Variants in SGCZ observed in about 807,000 individuals in gnomAD.
SGCZ encodes the protein sarcoglycan zeta, also known as zeta-sarcoglycan.
In SGCZ, 40 loss-of-function variants were observed where a neutral mutation model predicts 41.3. The observed-to-expected ratio is 0.97, with a 90% CI of 0.75 to 1.26. The LOEUF (loss-of-function observed/expected upper bound fraction) is 1.26. Among genes scored for constraint, SGCZ ranks in the 50% most tolerant of loss-of-function variants. SGCZ has a pLI of 0.00. For synonymous variants in SGCZ, 206 were observed against 137.5 expected (o/e 1.50, Z -3.49); for missense variants, 552 against 369.8 (o/e 1.49, Z -4.04).
At chr8:14,539,124 A>ACTG (rs1334390010) in intron 2 of SGCZ, among the ~76,000 whole-genome samples, 1 of 151,980 alleles carries the variant, frequency 6.6e-6, no homozygotes, top group Non-Finnish European at 1.5e-5. Context: ...AAGAAAGAAG[A>ACTG]CTGACTTCCC....
At chr8:15,031,258 A>G (rs745353147) in intron 1 of SGCZ, among the ~76,000 whole-genome samples, 2 of 152,078 alleles carry the variant, frequency 1.3e-5, no homozygotes, top group East Asian at 3.9e-4. Context: ...GCCAAACACA[A>G]TTTCTTCTTA....
chr8:14,303,829 G>T (rs527555196), intron 3 of SGCZ, among the ~76,000 whole-genome samples: 1 of 151,994 alleles, frequency 6.6e-6, no homozygotes, highest in Non-Finnish European at 1.5e-5. Flanking sequence ...TCGGCTCACT[G>T]CAACCTCCAT....
At chr8:14,871,960 C>T (rs1162255593) in intron 1 of SGCZ, among the ~76,000 whole-genome samples, 1 of 150,340 alleles carries the variant, frequency 6.7e-6, no homozygotes, top group Non-Finnish European at 1.5e-5. Context: ...ATATATAGGA[C>T]ATATACACCA....
intron 1 of SGCZ, among the ~76,000 whole-genome samples, chr8:15,056,427 A>G (rs142148558): frequency 4.1e-4 from 62 of 152,232 alleles, no homozygotes; most frequent in African/African-American, 1.4e-3. Context: ...TTACTCCGGG[A>G]TTCAAACAGT....
At chr8:14,359,862 A>G (rs1231215689) in intron 2 of SGCZ, among the ~76,000 whole-genome samples, 1 of 152,166 alleles carries the variant, frequency 6.6e-6, no homozygotes, top group African/African-American at 2.4e-5. Flanking sequence ...ATGAAAAAAC[A>G]TCAACAGAAT....
At chr8:14,190,358 T>C (rs567407116) in intron 4 of SGCZ, among the ~76,000 whole-genome samples, 188 of 151,952 alleles carry the variant, frequency 1.2e-3, no homozygotes, top group Non-Finnish European at 1.3e-3. Flanking sequence ...ATTATGTATG[T>C]ATGTATGTAT....
At chr8:14,761,521 T>A (rs1370295455) in intron 1 of SGCZ, among the ~76,000 whole-genome samples, 3 of 145,342 alleles carry the variant, frequency 2.1e-5, no homozygotes, top group South Asian at 2.1e-4. Flanking sequence ...TATTATTATT[T>A]TATTTATTTA....
chr8:14,160,611 A>C (rs931177971), intron 5 of SGCZ, among the ~76,000 whole-genome samples: 2 of 152,216 alleles, frequency 1.3e-5, no homozygotes, highest in African/African-American at 4.8e-5. Flanking sequence ...TCTCCTGGGC[A>C]AGACAAGTAA....
intron 1 of SGCZ, among the ~76,000 whole-genome samples, chr8:14,967,694 T>C (rs536861899): frequency 2.2e-4 from 34 of 152,280 alleles, no homozygotes; most frequent in African/African-American, 8.2e-4. Flanking sequence ...AAATATCTAT[T>C]TAATTGAAGT....
In SGCZ at chr8:15,037,056, A is replaced by G. The variant is rs117711763; in HGVS notation, c.39+200529T>C. Among the ~76,000 whole-genome samples, 634 of 152,316 alleles carry G rather than the reference A, an allele frequency of 4.2e-3. 1 individual carries two copies. The highest frequency in any genetic ancestry group is 6.6e-3 in the Non-Finnish European group (449 of 68,022). ...AAAACTGGACATCATTTTATGATAC[A>G]AACTCTTGATTAATTTGGCAAAGAA... On this transcript the variant is annotated intron_variant, in intron 1 of 7. Coordinates refer to ENST00000382080, the MANE Select transcript of SGCZ (RefSeq NM_139167.4).
At chr8:14,444,054 T>G (rs1335796442) in intron 2 of SGCZ, among the ~76,000 whole-genome samples, 4 of 152,036 alleles carry the variant, frequency 2.6e-5, no homozygotes, top group Admixed American at 1.3e-4. Context: ...AAAAGACACA[T>G]GAAAAAATGC....
At chr8:14,135,757 T>G (rs1803176944) in intron 5 of SGCZ, among the ~76,000 whole-genome samples, 1 of 152,094 alleles carries the variant, frequency 6.6e-6, no homozygotes, top group Non-Finnish European at 1.5e-5. Context: ...TTACATATCT[T>G]CCAAAAAACA....
Position 14,509,230 on chromosome 8 carries a change from A to G in SGCZ, c.234+45502T>C, listed in dbSNP as rs372136827. Among the ~76,000 whole-genome samples the G allele has an allele frequency of 2.7e-4, 41 of 152,286 alleles. No homozygotes were observed. The South Asian group carries it at 5.6e-3, about 21-fold the overall frequency. On this transcript the variant is annotated intron_variant, in intron 2 of 7. Transcript: ENST00000382080. Reference sequence around the variant, plus strand: ...ATTATTAGGAAATTGATTATTTCCAATGCTTAAGATTGTACAACCCTTGTT... The same window carrying G: ...ATTATTAGGAAATTGATTATTTCCAGTGCTTAAGATTGTACAACCCTTGTT...
chr8:14,364,392 A>C (rs879646243), intron 2 of SGCZ, among the ~76,000 whole-genome samples: 4 of 152,178 alleles, frequency 2.6e-5, no homozygotes, highest in Non-Finnish European at 5.9e-5. Context: ...ATTATTAATA[A>C]ATCATGGGAA....
chr8:14,885,985 TTATATATATATATATATATA>T (rs71209089), intron 1 of SGCZ, among the ~76,000 whole-genome samples: 1,880 of 56,002 alleles, frequency 0.034, 93 homozygotes, highest in African/African-American at 0.1. Flanking sequence ...GGACTTTATG[TTATATATATATATATATATA>T]TATATATATA....
chr8:14,935,571 A>G (rs1362973899), intron 1 of SGCZ, among the ~76,000 whole-genome samples: 8 of 151,946 alleles, frequency 5.3e-5, no homozygotes. Flanking sequence ...AATCACTTTG[A>G]TCAAGAACAA....
chr8:14,893,873 A>C (rs1805106846), intron 1 of SGCZ, among the ~76,000 whole-genome samples: 2 of 152,176 alleles, frequency 1.3e-5, no homozygotes, highest in South Asian at 2.1e-4. Flanking sequence ...CAAAAGTCTA[A>C]AGTACTAACT....
chr8:14,319,382 T>C (rs1801841803), intron 3 of SGCZ: 1 of 151,848 alleles, frequency 6.6e-6, no homozygotes, highest in Admixed American at 6.6e-5. Context: ...TTAATAACAC[T>C]CCCAGAAAAG....
intron 7 of SGCZ, among the ~76,000 whole-genome samples, chr8:14,094,377 A>G (rs1170054958): frequency 6.6e-6 from 1 of 151,916 alleles, no homozygotes; most frequent in Non-Finnish European, 1.5e-5. Flanking sequence ...AATTAGGAGT[A>G]CATGTGGTGT....
Sources: allele counts gnomAD v4.1 joint callset (sites outside exome capture counted in the v4.1 genomes callset), GRCh38; gene constraint gnomAD v4.1.1; transcripts MANE v1.5; gene names NCBI Gene and HGNC (gene_info 2026-07-23, HGNC 2026-07-21).